SCO1: variants seen among roughly 807,000 people sequenced by gnomAD.
The protein encoded by SCO1 is synthesis of cytochrome C oxidase 1, also known as cytochrome c oxidase assembly factor SCO1.
In SCO1, 23 loss-of-function variants were observed where a neutral mutation model predicts 34.0. The ratio of observed to expected loss-of-function variants is 0.68; its 90% CI spans 0.49 to 0.96. The LOEUF (loss-of-function observed/expected upper bound fraction) is 0.96, where lower values mean the gene tolerates loss of function less well. Among genes scored for constraint, SCO1 ranks in the 40% least tolerant of loss-of-function variants. The pLI, the probability that SCO1 is intolerant of heterozygous loss-of-function variation, is 0.00. For missense variants in SCO1, 404 were observed against 381.6 expected, an observed-to-expected ratio of 1.06 and a Z score of -0.49; for synonymous variants, 161 against 145.5, an observed-to-expected ratio of 1.11 and a Z score of -0.77.
chr17:10,693,436 G>A (rs1217080627), intron 2 of SCO1, among the ~76,000 whole-genome samples: 5 of 152,138 alleles, frequency 3.3e-5, no homozygotes. Context: ...AAAGAGAAGA[G>A]AGTTACAATA....
intron 1 of SCO1, among the ~76,000 whole-genome samples, chr17:10,696,086 A>T (rs2074722574): frequency 1.3e-5 from 2 of 150,554 alleles, no homozygotes; most frequent in Admixed American, 1.3e-4. Context: ...AAAAAAAAAA[A>T]AAAAAAAAAA....
chr17:10,687,782 G>A (rs1362242239), intron 4 of SCO1, among the ~76,000 whole-genome samples: 6 of 151,976 alleles, frequency 3.9e-5, no homozygotes, highest in Admixed American at 2.6e-4. Context: ...ATCATCAATC[G>A]CTATGTTCTG....
At position 10,692,903 on chromosome 17, in the gene SCO1, G is replaced by A. The variant is rs2074698631; in HGVS notation, c.423C>T (p.Ser141=). 1.2e-6 allele frequency: 2 copies of A among 1,614,072 alleles called. No homozygotes were observed. The highest frequency in any genetic ancestry group is 1.3e-5 in the African/African-American group (1 of 74,998). The change falls in exon 3 of 6, where the codon TCC becomes TCT. Residue 141 remains serine (S), a synonymous_variant. Coordinates refer to ENST00000255390, the MANE Select transcript of SCO1 (RefSeq NM_004589.4). Reference sequence around the variant, plus strand: ...TACGCTCCCCAGTATGAGTTGTGAGGGAAAACGGTCCCCCAAGTAAAGGCT... The same window carrying A: ...TACGCTCCCCAGTATGAGTTGTGAGAGAAAACGGTCCCCCAAGTAAAGGCT... ...IGKPLLGGPF[S]LTTHTGERKT...
intron 1 of SCO1, 118 bp downstream of exon 1, chr17:10,697,117 C>T (rs1469339401): frequency 9.8e-7 from 1 of 1,022,462 alleles, no homozygotes; most frequent in Admixed American, 2.9e-5. Flanking sequence ...GGCGCGCAAG[C>T]TAAGGACAAC....
At chr17:10,693,741 G>A (rs73974815) in intron 2 of SCO1, among the ~76,000 whole-genome samples, 7,993 of 152,170 alleles carry the variant, frequency 0.053, 695 homozygotes, top group African/African-American at 0.18. Flanking sequence ...AAATGAGGCT[G>A]GAACCTCTTG....
In SCO1 at chr17:10,681,062, C is replaced by A. The variant is rs1024611376; in HGVS notation, c.*57G>T. ...GTTTATATTTATATAGGCTCCTATG[C>A]GAGACAGTTTCCTTCCTCTTAGCAA... On this transcript the variant is annotated 3_prime_UTR_variant, in exon 6 of 6. Transcript: ENST00000255390. The A allele has an allele frequency of 1.2e-5, 19 of 1,601,864 alleles. No homozygotes were observed. In the African/African-American group the frequency reaches 2.4e-4, roughly 20 times the overall value.
Position 10,689,115 on chromosome 17 carries a change from C to CAAAAAA in SCO1, c.656-2279_656-2274dup, listed in dbSNP as rs556558488. Among the ~76,000 whole-genome samples the CAAAAAA allele has an allele frequency of 9.3e-3, 631 of 67,604 alleles. 12 individuals carry two copies. Among genetic ancestry groups the CAAAAAA allele is most frequent in the African/African-American group, 0.017 (234 of 13,652 alleles). The allele number at this position is 67,604 out of a possible 152,430, so 44.4% of individuals were successfully genotyped here. A position where few individuals can be genotyped will look rare whatever the true frequency, so the allele number is the denominator to read the frequency against. ...TGGGCGACAGAGCGAGACTCCGTCTCAAAAAAAAAAAAAAAAAAAAGAAAG... is the reference window on the plus strand; with the variant it reads ...TGGGCGACAGAGCGAGACTCCGTCTCAAAAAAAAAAAAAAAAAAAAAAAAAAGAAAG... On this transcript the variant is annotated intron_variant, in intron 4 of 5. Coordinates refer to ENST00000255390, the MANE Select transcript of SCO1 (RefSeq NM_004589.4).
At position 10,695,845 on chromosome 17, in the gene SCO1, G is replaced by A. The variant is rs1444108094; in HGVS notation, c.274-14C>T. The A allele has an allele frequency of 6.3e-7, 1 of 1,595,640 alleles. No individual in the cohort carries two copies. Among genetic ancestry groups the A allele is most frequent in the Non-Finnish European group, 8.6e-7 (1 of 1,164,522 alleles). ...CCAGGAAACAGGCTACTGGGGCAGG[G>A]ATTTCAAACATAAAAATTCTAGTAA... On this transcript the variant is annotated splice_polypyrimidine_tract_variant and intron_variant, in intron 1 of 5. Transcript: ENST00000255390.
chr17:10,692,815 C>A lies in SCO1; in HGVS notation c.511G>T (p.Asp171Tyr). 6.2e-7 allele frequency: 1 copy of A among 1,614,212 alleles called. No individual in the cohort carries two copies. Among genetic ancestry groups the A allele is most frequent in the Non-Finnish European group, 8.5e-7 (1 of 1,180,028 alleles). The change falls in exon 3 of 6, where the codon GAT becomes TAT. Residue 171 changes from aspartate to tyrosine, a missense_variant. Asp to Tyr is a radical substitution (Grantham distance 160, BLOSUM62 -3). Coordinates refer to ENST00000255390, the MANE Select transcript of SCO1 (RefSeq NM_004589.4). The part of the protein sequence containing the change: ...LIYFGFTHCP[D>Y]VCPEELEKMI... ...TTTTCTAGTTCTTCTGGACAGACATCAGGGCAATGAGTGAAGCCAAAATAA... is the reference window on the plus strand; with the variant it reads ...TTTTCTAGTTCTTCTGGACAGACATAAGGGCAATGAGTGAAGCCAAAATAA...
At chr17:10,688,787 T>C (rs1022013926) in intron 4 of SCO1, among the ~76,000 whole-genome samples, 1 of 152,216 alleles carries the variant, frequency 6.6e-6, no homozygotes, top group Non-Finnish European at 1.5e-5. Flanking sequence ...TGAACTATGA[T>C]ACACAGAAAG....
rs1338194978 is a variant in SCO1 at position 10,692,901 on chromosome 17, A to G, written c.425T>C (p.Leu142Pro). The G allele has an allele frequency of 6.2e-7, 1 of 1,614,160 alleles. No individual in the cohort carries two copies. Among genetic ancestry groups the G allele is most frequent in the Non-Finnish European group, 8.5e-7 (1 of 1,180,022 alleles). Reference protein sequence around the residue: ...GKPLLGGPFSLTTHTGERKTD... With the variant: ...GKPLLGGPFSPTTHTGERKTD... ...TTTACGCTCCCCAGTATGAGTTGTGAGGGAAAACGGTCCCCCAAGTAAAGG... is the reference window on the plus strand; with the variant it reads ...TTTACGCTCCCCAGTATGAGTTGTGGGGGAAAACGGTCCCCCAAGTAAAGG... The change falls in exon 3 of 6, where the codon CTC (leucine) becomes CCC (proline). Residue 142 changes from leucine to proline, a missense_variant. Leu to Pro is a moderately conservative substitution (Grantham distance 98). Coordinates refer to ENST00000255390, the MANE Select transcript of SCO1 (RefSeq NM_004589.4).
At position 10,673,154 on chromosome 17, in the gene SCO1, C is replaced by G. The variant is rs1159394002; in HGVS notation, c.*7965G>C. The G allele has an allele frequency of 6.6e-6, 1 of 152,214 alleles. No individual in the cohort carries two copies. The highest frequency in any genetic ancestry group is 1.5e-5 in the Non-Finnish European group (1 of 68,144). The allele number at this position is 152,214 out of a possible 1,614,324, so 9.4% of individuals were successfully genotyped here. On this transcript the variant is annotated 3_prime_UTR_variant, in exon 6 of 6. Transcript: ENST00000255390. ...GAGTAGCTGGGACTACAGGCGCCCG[C>G]CACCACGTCTAGCTGATTTTTGTAA...
At chr17:10,693,109 A>T in intron 2 of SCO1, 148 bp from the exon 3 acceptor site, 2 of 679,100 alleles carry the variant, frequency 2.9e-6, no homozygotes, top group Non-Finnish European at 5.0e-6. Context: ...GAAGCTAAAA[A>T]AATCTTTTCA....
Position 10,697,300 on chromosome 17 carries a change from C to A in SCO1, c.208G>T (p.Ala70Ser). The A allele has an allele frequency of 6.4e-7, 1 of 1,566,582 alleles. No individual in the cohort carries two copies. Among genetic ancestry groups the A allele is most frequent in the Non-Finnish European group, 8.6e-7 (1 of 1,156,286 alleles). The change falls in exon 1 of 6, where the codon GCG (alanine) becomes TCG (serine). Residue 70 changes from alanine (A) to serine (S), a missense_variant. Physicochemically the swap from Ala to Ser is moderately conservative, Grantham distance 99. Transcript: ENST00000255390. ...TGCGACCACGGGGGTGGCGGCCTCG[C>A]AGTGCTGAGGGGCCGGGTTCCCAGG... The part of the protein sequence containing the change: ...YCLGTRPLST[A>S]RPPPPWSQKG...
Position 10,674,535 on chromosome 17 carries a change from G to A in SCO1, c.*6584C>T. 5.0e-6 allele frequency: 1 copy of A among 200,836 alleles called. No individual in the cohort carries two copies. The highest frequency in any genetic ancestry group is 6.9e-5 in the South Asian group (1 of 14,518). 12.4% of individuals were successfully genotyped at this position (200,836 alleles called of 1,614,324 possible). On this transcript the variant is annotated 3_prime_UTR_variant, in exon 6 of 6. Coordinates refer to ENST00000255390, the MANE Select transcript of SCO1 (RefSeq NM_004589.4). Reference sequence around the variant, plus strand: ...GTACCCCAGTGGTGTGACACTGCCGGACCACAGACTACACTGAGTAGCAAG... The same window carrying A: ...GTACCCCAGTGGTGTGACACTGCCGAACCACAGACTACACTGAGTAGCAAG...
Position 10,697,421 on chromosome 17 carries a change from A to G in SCO1, c.87T>C (p.Phe29=), listed in dbSNP as rs567387386. 79 of 1,610,978 alleles carry G rather than the reference A, an allele frequency of 4.9e-5. No individual in the cohort carries two copies. The African/African-American group carries it at 6.5e-4, about 13-fold the overall frequency. Residue 29 remains phenylalanine, a synonymous_variant, in exon 1 of 6, where the codon TTT becomes TTC. Transcript: ENST00000255390. The part of the protein sequence containing the change: ...LWRFLPRGLE[F]WGPAEGTARV... The stretch of plus-strand genomic sequence containing the variant: ...TCGCAGTCCCCTCGGCTGGGCCCCA[A>G]AACTCGAGTCCGCGAGGCAAGAAGC...
At position 10,677,658 on chromosome 17, in the gene SCO1, T is replaced by C. The variant is rs2074590580; in HGVS notation, c.*3461A>G. 1 of 152,248 alleles carries C rather than the reference T, an allele frequency of 6.6e-6. No individual in the cohort carries two copies. Among genetic ancestry groups the C allele is most frequent in the Non-Finnish European group, 1.5e-5 (1 of 68,034 alleles). The allele number at this position is 152,248 out of a possible 1,614,324, so 9.4% of individuals were successfully genotyped here. Reference sequence around the variant, plus strand: ...TACACTTAAGATATCAGCTGCTTCATGAACAGCCAGACACATGAATACATT... The same window carrying C: ...TACACTTAAGATATCAGCTGCTTCACGAACAGCCAGACACATGAATACATT... On this transcript the variant is annotated 3_prime_UTR_variant, in exon 6 of 6. Coordinates refer to ENST00000255390, the MANE Select transcript of SCO1 (RefSeq NM_004589.4).
Position 10,678,515 on chromosome 17 carries a change from T to C in SCO1, c.*2604A>G, listed in dbSNP as rs947341531. The C allele has an allele frequency of 6.6e-6, 1 of 152,250 alleles. No individual in the cohort carries two copies. Among genetic ancestry groups the C allele is most frequent in the Admixed American group, 6.5e-5 (1 of 15,284 alleles). 9.4% of individuals were successfully genotyped at this position (152,250 alleles called of 1,614,324 possible). On this transcript the variant is annotated 3_prime_UTR_variant, in exon 6 of 6. Transcript: ENST00000255390. ...ACAGCTGAGAACGAAGACTGAATCTTATCTAAGAGCAAACTTGCTGCAAAG... is the reference window on the plus strand; with the variant it reads ...ACAGCTGAGAACGAAGACTGAATCTCATCTAAGAGCAAACTTGCTGCAAAG...
intron 5 of SCO1, among the ~76,000 whole-genome samples, chr17:10,683,411 A>C (rs764376894): frequency 2.6e-5 from 4 of 152,170 alleles, no homozygotes; most frequent in Non-Finnish European, 4.4e-5. Flanking sequence ...AAAAAGTAGA[A>C]TCTCTTGCAT....
Sources: allele counts gnomAD v4.1 joint callset (sites outside exome capture counted in the v4.1 genomes callset), GRCh38; gene constraint gnomAD v4.1.1; transcripts MANE v1.5; gene names NCBI Gene and HGNC (gene_info 2026-07-23, HGNC 2026-07-21).